KCND2: variants seen among roughly 807,000 people sequenced by gnomAD.
The protein encoded by KCND2 is potassium voltage-gated channel subfamily D member 2, also known as A-type voltage-gated potassium channel KCND2.
A neutral mutation model predicts 54.4 loss-of-function variants in KCND2; 16 were observed. The ratio of observed to expected loss-of-function variants is 0.29; its 90% CI spans 0.20 to 0.45. The LOEUF (loss-of-function observed/expected upper bound fraction) is 0.45. KCND2 is among the 20% of genes least tolerant of loss of function. The probability of loss-of-function intolerance (pLI) is 1.00; values close to 1 mark genes in which losing one functional copy is unlikely to be tolerated. For synonymous variants in KCND2, 317 were observed against 310.7 expected (o/e 1.02, Z -0.21); for missense variants, 486 against 824.2 (o/e 0.59, Z 5.02).
chr7:120,746,492 C>T (rs188031152), intron 5 of KCND2, among the ~76,000 whole-genome samples: 34 of 152,176 alleles, frequency 2.2e-4, no homozygotes, highest in East Asian at 7.7e-4. Context: ...CTACATAAGT[C>T]ATTTCTATCA....
chr7:120,526,936 A>T (rs1791783975), intron 1 of KCND2, among the ~76,000 whole-genome samples: 1 of 152,122 alleles, frequency 6.6e-6, no homozygotes, highest in Non-Finnish European at 1.5e-5. Flanking sequence ...TTATAACTGG[A>T]ATGACATAAA....
rs190916110 is a variant in KCND2, at chr7:120,319,829, T to C, written c.1115+44082T>C. ...AACATAGTAGAAGCCATATAATCAA[T>C]ATTATATTTTATGTTTTTAATCTAT... is the stretch of plus-strand genomic sequence containing the variant. On this transcript the variant is annotated intron_variant, in intron 1 of 5. Coordinates refer to ENST00000331113, the MANE Select transcript of KCND2 (RefSeq NM_012281.3). 1.6e-3 allele frequency among the ~76,000 whole-genome samples: 246 copies of C among 152,240 alleles called. 2 individuals are homozygous for C. The highest frequency in any genetic ancestry group is 5.7e-3 in the African/African-American group (236 of 41,568).
At chr7:120,707,605 G>A (rs972078450) in intron 1 of KCND2, among the ~76,000 whole-genome samples, 5 of 152,062 alleles carry the variant, frequency 3.3e-5, no homozygotes, top group African/African-American at 4.8e-5. Context: ...TGCACGGTGA[G>A]CACATTGCTA....
intron 1 of KCND2, among the ~76,000 whole-genome samples, chr7:120,605,970 G>T (rs1457450700): frequency 6.6e-6 from 1 of 152,102 alleles, no homozygotes; most frequent in African/African-American, 2.4e-5. Context: ...ATGGGGACGG[G>T]TTTTTTCTGT....
At chr7:120,729,952 C>G (rs916252699) in intron 1 of KCND2, among the ~76,000 whole-genome samples, 1 of 152,150 alleles carries the variant, frequency 6.6e-6, no homozygotes, top group Non-Finnish European at 1.5e-5. Flanking sequence ...TATCTCCTTA[C>G]TTTTCGTAAT....
At chr7:120,615,666 C>T (rs1793014965) in intron 1 of KCND2, among the ~76,000 whole-genome samples, 1 of 152,188 alleles carries the variant, frequency 6.6e-6, no homozygotes, top group Non-Finnish European at 1.5e-5. Context: ...AGATTGTCTC[C>T]ATGTTCTTTA....
intron 1 of KCND2, among the ~76,000 whole-genome samples, chr7:120,585,270 GA>G (rs1278499512): frequency 1.3e-5 from 2 of 152,096 alleles, no homozygotes; most frequent in Admixed American, 1.3e-4. Flanking sequence ...GATTCTCAAG[GA>G]AATGTGGACG....
intron 1 of KCND2, among the ~76,000 whole-genome samples, chr7:120,355,364 C>T (rs997714549): frequency 1.1e-4 from 16 of 152,058 alleles, no homozygotes; most frequent in East Asian, 7.8e-4. Flanking sequence ...CTGGCCAATA[C>T]GGTGAAACCC....
At chr7:120,603,519 G>T (rs1361250849) in intron 1 of KCND2, among the ~76,000 whole-genome samples, 2 of 152,168 alleles carry the variant, frequency 1.3e-5, no homozygotes, top group Non-Finnish European at 2.9e-5. Flanking sequence ...CCAGCACTGA[G>T]CTTGATATGT....
chr7:120,549,366 G>A (rs1792079598), intron 1 of KCND2, among the ~76,000 whole-genome samples: 1 of 152,140 alleles, frequency 6.6e-6, no homozygotes, highest in African/African-American at 2.4e-5. Flanking sequence ...ATAGATGAAA[G>A]ATGTAGAAAA....
intron 1 of KCND2, among the ~76,000 whole-genome samples, chr7:120,474,951 C>T (rs1802512725): frequency 6.6e-6 from 1 of 152,072 alleles, no homozygotes; most frequent in Non-Finnish European, 1.5e-5. Context: ...AGCAGTCCTC[C>T]CACCTCACCC....
Position 120,741,571 on chromosome 7 carries a change from G to A in KCND2, c.1316G>A (p.Gly439Glu). The change falls in exon 3 of 6, where the codon GGA becomes GAA. Residue 439 changes from glycine (G) to glutamate (E), a missense_variant. Coordinates refer to ENST00000331113, the MANE Select transcript of KCND2 (RefSeq NM_012281.3). ...GCCAGGATCCGGGCAGCCAAAAGCG[G>A]AAGCGCAAATGCTTACATGCAGAGC... ...RLARIRAAKS[G>E]SANAYMQSKR... The A allele has an allele frequency of 6.2e-7, 1 of 1,613,376 alleles. No homozygotes were observed. Among genetic ancestry groups the A allele is most frequent in the South Asian group, 1.1e-5 (1 of 91,074 alleles).
chr7:120,488,445 A>G (rs1047578588), intron 1 of KCND2, among the ~76,000 whole-genome samples: 9 of 143,844 alleles, frequency 6.3e-5, no homozygotes, highest in Non-Finnish European at 1.3e-4. Flanking sequence ...CTTGATTTGG[A>G]AAAAAAGTTA....
intron 1 of KCND2, among the ~76,000 whole-genome samples, chr7:120,348,506 T>A (rs1210374826): frequency 6.6e-6 from 1 of 152,226 alleles, no homozygotes; most frequent in African/African-American, 2.4e-5. Context: ...AAAGGCTACA[T>A]CATCTTATCT....
chr7:120,599,648 T>C (rs1338112973), intron 1 of KCND2, among the ~76,000 whole-genome samples: 1 of 152,076 alleles, frequency 6.6e-6, no homozygotes, highest in Admixed American at 6.6e-5. Flanking sequence ...AAAAATAAAA[T>C]TAATAATTTT....
chr7:120,485,623 A>G (rs1802682129), intron 1 of KCND2, among the ~76,000 whole-genome samples: 1 of 152,200 alleles, frequency 6.6e-6, no homozygotes, highest in African/African-American at 2.4e-5. Flanking sequence ...ATGACAGTAG[A>G]GGATGCTTTT....
chr7:120,492,178 A>G (rs532401737), intron 1 of KCND2, among the ~76,000 whole-genome samples: 1 of 152,022 alleles, frequency 6.6e-6, no homozygotes, highest in African/African-American at 2.4e-5. Context: ...ATGAGAAACT[A>G]GTAAAAAGTG....
chr7:120,539,077 A>G (rs1178970867), intron 1 of KCND2, among the ~76,000 whole-genome samples: 1 of 132,616 alleles, frequency 7.5e-6, no homozygotes, highest in Non-Finnish European at 1.5e-5. Flanking sequence ...TATATATGTT[A>G]TTATAAACAC....
chr7:120,384,998 C>CTTTTTTTTTTTTTTTT lies in KCND2; in HGVS notation c.1115+109260_1115+109275dup, dbSNP rs372225817. ...TGTAAACAAAGGCATTTGTATATAA[C>CTTTTTTTTTTTTTTTT]TTTTTTTTTTTTTTTTTTTTTTTTC... On this transcript the variant is annotated intron_variant, in intron 1 of 5. Transcript: ENST00000331113. Among the ~76,000 whole-genome samples, 19 of 82,512 alleles carry CTTTTTTTTTTTTTTTT rather than the reference C, an allele frequency of 2.3e-4. 1 individual carries two copies. Among genetic ancestry groups the CTTTTTTTTTTTTTTTT allele is most frequent in the Non-Finnish European group, 3.8e-4 (18 of 47,586 alleles). The allele number at this position is 82,512 out of a possible 152,430, so 54.1% of individuals were successfully genotyped here.
Sources: allele counts gnomAD v4.1 joint callset (sites outside exome capture counted in the v4.1 genomes callset), GRCh38; gene constraint gnomAD v4.1.1; transcripts MANE v1.5; gene names NCBI Gene and HGNC (gene_info 2026-07-23, HGNC 2026-07-21).